COX17: variants seen among roughly 807,000 people sequenced by gnomAD.
The protein encoded by COX17 is cytochrome c oxidase copper chaperone.
In COX17, 1 loss-of-function variant was observed where a neutral mutation model predicts 6.3. That is an observed-to-expected ratio of 0.16 (90% CI 0.06 to 0.75). COX17 has a LOEUF of 0.75. Ranked by LOEUF, COX17 falls within the 30% of genes least tolerant of loss-of-function variation. The pLI, the probability that COX17 is intolerant of heterozygous loss-of-function variation, is 0.77. For synonymous variants in COX17, 26 were observed against 30.5 expected (o/e 0.85, Z 0.49); for missense variants, 73 against 81.2 (o/e 0.90, Z 0.39).
chr3:119,672,099 G>A (rs1436624621), intron 2 of COX17, among the ~76,000 whole-genome samples: 1 of 152,178 alleles, frequency 6.6e-6, no homozygotes, highest in African/African-American at 2.4e-5. Flanking sequence ...GAGCTATTCT[G>A]TTCTGGTTTT....
intron 1 of COX17, 170 bp downstream of exon 1, chr3:119,677,034 G>T (rs1351454124): frequency 1.6e-4 from 85 of 521,216 alleles, no homozygotes; most frequent in East Asian, 9.8e-4. Context: ...GGGGGGGGGG[G>T]GCAGACAGGG....
downstream of COX17, among the ~76,000 whole-genome samples, chr3:119,667,551 C>T (rs2053003329): frequency 6.6e-6 from 1 of 152,020 alleles, no homozygotes; most frequent in Non-Finnish European, 1.5e-5. Context: ...CACTCAAAGC[C>T]TTGAAAACAC....
downstream of COX17, among the ~76,000 whole-genome samples, chr3:119,666,386 G>A (rs959662706): frequency 6.6e-6 from 1 of 152,144 alleles, no homozygotes; most frequent in Non-Finnish European, 1.5e-5. Flanking sequence ...TGAAATCAGT[G>A]ACCCTATGAT....
chr3:119,668,757 C>T (rs1190303538), downstream of COX17, among the ~76,000 whole-genome samples: 1 of 151,950 alleles, frequency 6.6e-6, no homozygotes, highest in African/African-American at 2.4e-5. Flanking sequence ...CATTATACAT[C>T]CTCTTAATTA....
intron 1 of COX17, 157 bp from the exon 2 acceptor site, chr3:119,675,390 T>C: frequency 3.3e-6 from 2 of 600,066 alleles, no homozygotes; most frequent in South Asian, 2.0e-5. Flanking sequence ...TTTTATTTGA[T>C]CTTATGATAT....
chr3:119,676,988 T>C (rs2053107191), intron 1 of COX17: 5 of 576,402 alleles, frequency 8.7e-6, no homozygotes, highest in African/African-American at 2.2e-5. Flanking sequence ...AATAATTATC[T>C]CCAGAGCGCC....
intron 1 of COX17, chr3:119,675,458 G>A: frequency 2.0e-6 from 1 of 496,270 alleles, no homozygotes; most frequent in East Asian, 3.2e-5. Context: ...AATCTGATAA[G>A]AAATAATCAC....
downstream of COX17, chr3:119,669,252 A>T (rs1205460515): frequency 4.2e-4 from 10 of 23,846 alleles, no homozygotes; most frequent in African/African-American, 1.1e-3. Flanking sequence ...AAGAAAGTTA[A>T]AAAAAAAAAA....
intron 2 of COX17, 86 bp downstream of exon 2, chr3:119,675,059 C>T (rs553574696): frequency 1.1e-6 from 1 of 926,886 alleles, no homozygotes; most frequent in South Asian, 1.4e-5. Flanking sequence ...TTTAGATTAA[C>T]CAGGTGAACT....
At chr3:119,673,049 C>T (rs2107834246) in intron 2 of COX17, among the ~76,000 whole-genome samples, 1 of 152,192 alleles carries the variant, frequency 6.6e-6, no homozygotes, top group Non-Finnish European at 1.5e-5. Context: ...CTCTCTAGTA[C>T]TAATATATTG....
chr3:119,677,170 T>TC, intron 1 of COX17, 34 bp downstream of exon 1: 1 of 1,560,290 alleles, frequency 6.4e-7, no homozygotes, highest in Non-Finnish European at 8.8e-7. Context: ...GGCCCGGGGC[T>TC]CGTCGGCCGC....
chr3:119,668,273 T>C (rs936565920), downstream of COX17, among the ~76,000 whole-genome samples: 19 of 152,288 alleles, frequency 1.2e-4, 1 homozygote, highest in East Asian at 2.3e-3. Context: ...CCAGGACATA[T>C]TCAAGCAGAG....
At chr3:119,676,894 C>A (rs755178994) in intron 1 of COX17, 8 of 702,804 alleles carry the variant, frequency 1.1e-5, no homozygotes, top group Non-Finnish European at 1.6e-5. Flanking sequence ...TTGAAGCTTG[C>A]CGTTCTCCTC....
downstream of COX17, among the ~76,000 whole-genome samples, chr3:119,667,312 T>C (rs1033106756): frequency 2.0e-5 from 3 of 152,188 alleles, no homozygotes; most frequent in Non-Finnish European, 2.9e-5. Flanking sequence ...GTACCTCATC[T>C]TTGGGAAGAC....
chr3:119,670,949 C>T (rs1200998489), intron 2 of COX17, among the ~76,000 whole-genome samples: 2 of 152,088 alleles, frequency 1.3e-5, no homozygotes, highest in East Asian at 1.9e-4. Context: ...AGATAGTAGC[C>T]ATCTATTTCC....
At chr3:119,674,172 C>T (rs1000189096) in intron 2 of COX17, among the ~76,000 whole-genome samples, 10 of 150,940 alleles carry the variant, frequency 6.6e-5, no homozygotes, top group African/African-American at 2.4e-4. Context: ...CGTCTCTGCC[C>T]AGCTGCCCAC....
At chr3:119,675,444 G>A in intron 1 of COX17, 1 of 507,244 alleles carries the variant, frequency 2.0e-6, no homozygotes, top group Non-Finnish European at 3.5e-6. Context: ...GATTTTGGGG[G>A]GGAAATCTGA....
At chr3:119,670,911 A>G (rs776470379) in intron 2 of COX17, among the ~76,000 whole-genome samples, 4 of 152,070 alleles carry the variant, frequency 2.6e-5, no homozygotes, top group Non-Finnish European at 4.4e-5. Context: ...TAGGTTCTTT[A>G]GGCTTCTTCT....
At chr3:119,676,362 T>C (rs116002439) in intron 1 of COX17, among the ~76,000 whole-genome samples, 24 of 152,372 alleles carry the variant, frequency 1.6e-4, no homozygotes, top group Non-Finnish European at 2.4e-4. Context: ...TATCCCATTA[T>C]ACCACTAATG....
Sources: allele counts gnomAD v4.1 joint callset (sites outside exome capture counted in the v4.1 genomes callset), GRCh38; gene constraint gnomAD v4.1.1; transcripts MANE v1.5; gene names NCBI Gene and HGNC (gene_info 2026-07-23, HGNC 2026-07-21).